The following TP63 variants were observed in gnomAD, a reference collection of about 807,000 sequenced individuals.
The protein encoded by TP63 is tumor protein 63.
A neutral mutation model predicts 82.8 loss-of-function variants in TP63; 17 were observed. That is an observed-to-expected ratio of 0.21 (90% CI 0.14 to 0.31). The LOEUF is 0.31. Among genes scored for constraint, TP63 ranks in the 10% least tolerant of loss-of-function variants. TP63 has a pLI of 1.00. For missense variants in TP63, 648 were observed against 895.3 expected, an observed-to-expected ratio of 0.72 and a Z score of 3.52; for synonymous variants, 330 against 321.7, an observed-to-expected ratio of 1.03 and a Z score of -0.28.
At chr3:189,736,228 A>G (rs1438043059) in intron 1 of TP63, among the ~76,000 whole-genome samples, 2 of 151,324 alleles carry the variant, frequency 1.3e-5, no homozygotes, top group Admixed American at 6.6e-5. Context: ...CTCTCTCACC[A>G]TAAGTACAGA....
chr3:189,813,261 C>T (rs557295107), intron 4 of TP63, among the ~76,000 whole-genome samples: 3 of 152,178 alleles, frequency 2.0e-5, no homozygotes, highest in East Asian at 1.9e-4. Context: ...ATCAGTCACC[C>T]GTGAAAAACT....
chr3:189,648,945 G>A (rs1712652473), intron 1 of TP63, among the ~76,000 whole-genome samples: 2 of 147,176 alleles, frequency 1.4e-5, no homozygotes, highest in African/African-American at 5.1e-5. Context: ...GCAAAGGCAG[G>A]ATTAAATTCC....
intron 4 of TP63, among the ~76,000 whole-genome samples, chr3:189,861,202 A>G (rs1274883895): frequency 6.6e-6 from 1 of 152,078 alleles, no homozygotes; most frequent in African/African-American, 2.4e-5. Context: ...GTGCCCGACC[A>G]CATGTGTCTT....
intron 3 of TP63, among the ~76,000 whole-genome samples, chr3:189,781,645 G>A (rs747475275): frequency 6.6e-6 from 1 of 151,890 alleles, no homozygotes; most frequent in Non-Finnish European, 1.5e-5. Flanking sequence ...ACGTAAGAAA[G>A]CTGAGTTGCC....
At chr3:189,854,442 A>G (rs1716042342) in intron 4 of TP63, among the ~76,000 whole-genome samples, 1 of 152,186 alleles carries the variant, frequency 6.6e-6, no homozygotes, top group Non-Finnish European at 1.5e-5. Context: ...CATGTTGGTC[A>G]GGCTGGTCTC....
chr3:189,672,892 A>G (rs891070597), intron 1 of TP63, among the ~76,000 whole-genome samples: 11 of 152,054 alleles, frequency 7.2e-5, no homozygotes, highest in African/African-American at 2.4e-4. Flanking sequence ...GGAAAAAGCA[A>G]AAGAATACCA....
At chr3:189,809,534 G>T (rs2108641584) in intron 4 of TP63, among the ~76,000 whole-genome samples, 1 of 150,732 alleles carries the variant, frequency 6.6e-6, no homozygotes, top group African/African-American at 2.5e-5. Context: ...GACCAAAGTG[G>T]TATGTTTGTC....
chr3:189,891,801 G>A (rs1043736439), intron 13 of TP63, among the ~76,000 whole-genome samples: 4 of 152,072 alleles, frequency 2.6e-5, no homozygotes, highest in African/African-American at 9.7e-5. Context: ...GCTCTCTTTG[G>A]GGTTCACTAG....
Position 189,897,039 on chromosome 3 carries a change from ATT to A in TP63, c.*2543_*2544del, listed in dbSNP as rs201395656. On this transcript the variant is annotated 3_prime_UTR_variant, in exon 14 of 14. Coordinates refer to ENST00000264731, the MANE Select transcript of TP63 (RefSeq NM_003722.5). ...GTGGGATATTGAATGTTAAAGGGAT[ATT>A]TTTTTCTATTATTTTTATAATTGTA... is the stretch of plus-strand genomic sequence containing the variant. The A allele has an allele frequency of 8.9e-6, 2 of 225,648 alleles. No homozygotes were observed. The highest frequency in any genetic ancestry group is 1.3e-4 in the East Asian group (2 of 15,482). The allele number at this position is 225,648 out of a possible 1,614,324, so 14.0% of individuals were successfully genotyped here.
intron 6 of TP63, 33 bp downstream of exon 6, chr3:189,866,830 A>C: frequency 6.5e-7 from 1 of 1,534,960 alleles, no homozygotes; most frequent in Non-Finnish European, 9.0e-7. Flanking sequence ...AAAAAACAAC[A>C]CCTCTATGGA....
intron 6 of TP63, 25 bp downstream of exon 6, chr3:189,866,822 A>G (rs774642306): frequency 1.3e-6 from 2 of 1,587,824 alleles, no homozygotes; most frequent in South Asian, 1.1e-5. Context: ...ACCAAACCAA[A>G]AAACAACACC....
At chr3:189,886,059 ATT>A (rs1720413484) in intron 10 of TP63, among the ~76,000 whole-genome samples, 1 of 152,188 alleles carries the variant, frequency 6.6e-6, no homozygotes, top group African/African-American at 2.4e-5. Flanking sequence ...TTTCAAACTC[ATT>A]TGAGTTGAAG....
At chr3:189,607,852 G>A in the TP63 span, among the ~76,000 whole-genome samples, 3 of 151,930 alleles carry the variant, frequency 2.0e-5, no homozygotes, top group South Asian at 6.2e-4. Context: ...AAATATTTTT[G>A]AATATCACAT....
intron 11 of TP63, among the ~76,000 whole-genome samples, chr3:189,887,208 C>CA (rs5855277): frequency 0.059 from 4,933 of 83,738 alleles, 118 homozygotes; most frequent in Non-Finnish European, 0.082. Context: ...GACTCAGTCT[C>CA]AAAAAAAAAA....
At position 189,829,079 on chromosome 3, in the gene TP63, C is replaced by T. The variant is rs143435409; in HGVS notation, c.579+20553C>T. Among the ~76,000 whole-genome samples, 224 of 152,224 alleles carry T rather than the reference C, an allele frequency of 1.5e-3. 1 individual carries two copies. The highest frequency in any genetic ancestry group is 5.1e-3 in the African/African-American group (211 of 41,536). ...AGTACTAAAGACCATAAATTTATTA[C>T]AGATGATATTTACTGATAATAAAGT... On this transcript the variant is annotated intron_variant, in intron 4 of 13. Coordinates refer to ENST00000264731, the MANE Select transcript of TP63 (RefSeq NM_003722.5).
At chr3:189,809,227 C>T (rs1727269192) in intron 4 of TP63, among the ~76,000 whole-genome samples, 1 of 152,014 alleles carries the variant, frequency 6.6e-6, no homozygotes, top group Admixed American at 6.6e-5. Context: ...AATCTTTCTG[C>T]ATATAAGTTT....
chr3:189,874,452 AG>A, intron 10 of TP63, among the ~76,000 whole-genome samples: 1 of 152,184 alleles, frequency 6.6e-6, no homozygotes, highest in Non-Finnish European at 1.5e-5. Context: ...TACAGAGTGG[AG>A]TAGACGGCAG....
intron 3 of TP63, among the ~76,000 whole-genome samples, chr3:189,800,761 G>A (rs1244915123): frequency 6.6e-6 from 1 of 152,090 alleles, no homozygotes; most frequent in Non-Finnish European, 1.5e-5. Context: ...TGAGAAATAA[G>A]TAAAACCATG....
the TP63 span, among the ~76,000 whole-genome samples, chr3:189,620,797 C>G: frequency 6.6e-6 from 1 of 152,200 alleles, no homozygotes; most frequent in Non-Finnish European, 1.5e-5. Flanking sequence ...CATGAGGCTG[C>G]CATCAACTGT....
Sources: allele counts gnomAD v4.1 joint callset (sites outside exome capture counted in the v4.1 genomes callset), GRCh38; gene constraint gnomAD v4.1.1; transcripts MANE v1.5; gene names NCBI Gene and HGNC (gene_info 2026-07-23, HGNC 2026-07-21).